Variants in EGF observed in about 807,000 individuals in gnomAD.
EGF encodes the protein pro-epidermal growth factor.
In EGF, 95 loss-of-function variants were observed where a neutral mutation model predicts 143.8. The ratio of observed to expected loss-of-function variants is 0.66; its 90% CI spans 0.56 to 0.78. EGF has a LOEUF of 0.78. Ranked by LOEUF, EGF falls within the 30% of genes least tolerant of loss-of-function variation. EGF has a pLI of 0.00. For missense variants in EGF, 1,320 were observed against 1,470.9 expected (o/e 0.90, Z 1.68); for synonymous variants, 510 against 510.5 (o/e 1.00, Z 0.01).
At chr4:109,987,653 G>T in intron 16 of EGF, 91 bp from the exon 17 acceptor site, 1 of 1,037,830 alleles carries the variant, frequency 9.6e-7, no homozygotes. Flanking sequence ...GGGAAAGGAA[G>T]TGGTGGACTG....
chr4:110,001,508 T>C (rs1317066122), intron 21 of EGF: 2 of 502,536 alleles, frequency 4.0e-6, no homozygotes, highest in Non-Finnish European at 5.1e-6. Flanking sequence ...GTTCATCCCA[T>C]TGGATCATTG....
chr4:109,994,784 G>GA lies in EGF; in HGVS notation c.2912dup (p.Asn971LysfsTer2). 6.2e-7 allele frequency: 1 copy of GA among 1,614,152 alleles called. No homozygotes were observed. The highest frequency in any genetic ancestry group is 8.5e-7 in the Non-Finnish European group (1 of 1,179,996). ...GAAGATGACCACCACTATTCCGTAAGAAATAGTGACTCTGAATGTCCCCTG... is the reference window on the plus strand; with the variant it reads ...GAAGATGACCACCACTATTCCGTAAGAAAATAGTGACTCTGAATGTCCCCTG... On this transcript the variant is annotated frameshift_variant, in exon 20 of 24. Coordinates refer to ENST00000265171, the MANE Select transcript of EGF (RefSeq NM_001963.6). LOFTEE classifies it high-confidence loss of function.
chr4:109,973,126 G>C (rs2126094652), intron 11 of EGF, among the ~76,000 whole-genome samples: 1 of 152,322 alleles, frequency 6.6e-6, no homozygotes, highest in African/African-American at 2.4e-5. Context: ...GGTCCCACCT[G>C]CTGCAAGAAG....
chr4:109,925,389 C>T (rs922396234), intron 1 of EGF, among the ~76,000 whole-genome samples: 3 of 152,142 alleles, frequency 2.0e-5, no homozygotes, highest in Non-Finnish European at 2.9e-5. Context: ...AAGTAATAGC[C>T]AAAATTTACT....
intron 18 of EGF, among the ~76,000 whole-genome samples, chr4:109,990,800 G>A (rs1750824399): frequency 6.6e-6 from 1 of 152,162 alleles, no homozygotes; most frequent in Non-Finnish European, 1.5e-5. Flanking sequence ...GAGACAGAGA[G>A]CAAGAGAACG....
Position 109,913,491 on chromosome 4 carries a change from G to T in EGF, c.127+29G>T, listed in dbSNP as rs11568850. On this transcript the variant is annotated intron_variant, in intron 1 of 23. Coordinates refer to ENST00000265171, the MANE Select transcript of EGF (RefSeq NM_001963.6). Reference sequence around the variant, plus strand: ...AGTACTCCAATGAAAAGGTGCTCCAGGTCTCCGGGAAACTGCCCCCACATC... The same window carrying T: ...AGTACTCCAATGAAAAGGTGCTCCATGTCTCCGGGAAACTGCCCCCACATC... The T allele has an allele frequency of 2.2e-3, 3,479 of 1,610,334 alleles. 61 individuals are homozygous for T. The African/African-American group carries it at 0.039, about 18-fold the overall frequency.
rs544179124 is a variant in EGF, at chr4:109,999,865, T to C, written c.3173+19T>C. 2 of 1,612,684 alleles carry C rather than the reference T, an allele frequency of 1.2e-6. No homozygotes were observed. The highest frequency in any genetic ancestry group is 3.3e-5 in the Admixed American group (2 of 60,020). On this transcript the variant is annotated intron_variant, in intron 21 of 23. Coordinates refer to ENST00000265171, the MANE Select transcript of EGF (RefSeq NM_001963.6). ...ACTACAGGTGACCCTGTCTTTCCTT[T>C]GGTACTGGAAACCTCTTTCTAAGAC...
intron 1 of EGF, among the ~76,000 whole-genome samples, chr4:109,939,262 C>T (rs1397180158): frequency 6.6e-6 from 1 of 152,220 alleles, no homozygotes; most frequent in African/African-American, 2.4e-5. Flanking sequence ...ATCCCTCCCT[C>T]CACCAAGCTT....
At chr4:110,008,391 C>G (rs947479698) in intron 23 of EGF, 161 bp downstream of exon 23, 3 of 364,844 alleles carry the variant, frequency 8.2e-6, no homozygotes, top group Non-Finnish European at 1.1e-5. Flanking sequence ...TGCCATGGAC[C>G]TGATTTGCAC....
intron 20 of EGF, among the ~76,000 whole-genome samples, chr4:109,999,178 T>A (rs1344200696): frequency 6.6e-6 from 1 of 152,188 alleles, no homozygotes; most frequent in East Asian, 1.9e-4. Context: ...GGAAAAAAGT[T>A]TTCTCTGCAG....
At chr4:109,975,870 C>T (rs111279491) in intron 12 of EGF, 142 bp from the exon 13 acceptor site, 2 of 918,760 alleles carry the variant, frequency 2.2e-6, no homozygotes, top group Non-Finnish European at 3.4e-6. Flanking sequence ...GCCGAACATA[C>T]AGCGCTATCT....
intron 23 of EGF, among the ~76,000 whole-genome samples, chr4:110,010,129 C>G (rs1227763485): frequency 6.6e-6 from 1 of 152,102 alleles, no homozygotes; most frequent in African/African-American, 2.4e-5. Flanking sequence ...CATGCTGGTG[C>G]ACACCTGTAG....
chr4:109,975,731 T>G lies in EGF; in HGVS notation c.1830-281T>G, dbSNP rs9995637. Among the ~76,000 whole-genome samples, 32,558 of 152,188 alleles carry G rather than the reference T, an allele frequency of 0.21. 6,391 individuals carry two copies. Among genetic ancestry groups the G allele is most frequent in the African/African-American group, 0.5 (20,902 of 41,460 alleles). On this transcript the variant is annotated intron_variant, in intron 12 of 23. Coordinates refer to ENST00000265171, the MANE Select transcript of EGF (RefSeq NM_001963.6). ...CAAGCCTATTTACTCATGACTATTT[T>G]ATTAGTCATATATTGCAATTTTTAA...
rs1170275310 is a variant in EGF at position 109,913,391 on chromosome 4, G to A, written c.56G>A (p.Ser19Asn). Residue 19 changes from serine (S) to asparagine (N), a missense_variant, in exon 1 of 24, where the codon AGT (serine) becomes AAT (asparagine). Coordinates refer to ENST00000265171, the MANE Select transcript of EGF (RefSeq NM_001963.6). The stretch of plus-strand genomic sequence containing the variant: ...GTAGTTTCAAAATTTAGTTTTGTTA[G>A]TCTCTCAGCACCGCAGCACTGGAGC... ...LPVVSKFSFV[S>N]LSAPQHWSCP... 1 of 1,613,974 alleles carries A rather than the reference G, an allele frequency of 6.2e-7. No homozygotes were observed. Among genetic ancestry groups the A allele is most frequent in the South Asian group, 1.1e-5 (1 of 91,074 alleles).
chr4:109,943,058 T>A (rs1334054940), intron 2 of EGF, among the ~76,000 whole-genome samples, 196 bp from the exon 3 acceptor site: 1 of 152,212 alleles, frequency 6.6e-6, no homozygotes, highest in South Asian at 2.1e-4. Flanking sequence ...AAATATTTAC[T>A]TAAGGGTCAG....
At chr4:110,001,775 C>G in intron 21 of EGF, 1 of 985,382 alleles carries the variant, frequency 1.0e-6, no homozygotes, top group Non-Finnish European at 1.2e-6. Flanking sequence ...CTCTCATACT[C>G]CAAAAATCAG....
At chr4:109,940,640 T>C (rs1157617594) in intron 1 of EGF, 1 of 306,910 alleles carries the variant, frequency 3.3e-6, no homozygotes, top group Non-Finnish European at 6.1e-6. Flanking sequence ...GATGGGTGGT[T>C]CCTTTTTGAA....
chr4:109,951,439 T>G (rs1452390064), intron 5 of EGF, among the ~76,000 whole-genome samples: 1 of 152,052 alleles, frequency 6.6e-6, no homozygotes, highest in Non-Finnish European at 1.5e-5. Flanking sequence ...AAGGAATAAG[T>G]TTTAAAGATA....
intron 1 of EGF, among the ~76,000 whole-genome samples, chr4:109,936,073 G>A (rs1367425957): frequency 6.6e-6 from 1 of 152,136 alleles, no homozygotes; most frequent in African/African-American, 2.4e-5. Context: ...AATGAGTTAG[G>A]GAAGATTCTC....
Sources: gnomAD v4.1 joint callset for allele counts (sites outside exome capture counted in the v4.1 genomes callset) on GRCh38, gnomAD v4.1.1 for gene constraint, MANE v1.5 for transcripts, NCBI Gene and HGNC (gene_info 2026-07-23, HGNC 2026-07-21) for gene names.